CLSTN2: variants seen among roughly 807,000 people sequenced by gnomAD.
CLSTN2 encodes the protein calsyntenin-2.
In CLSTN2, 48 loss-of-function variants were observed where a neutral mutation model predicts 101.2. That is an observed-to-expected ratio of 0.47 (90% CI 0.38 to 0.60). The LOEUF is 0.60. Ranked by LOEUF, CLSTN2 falls within the 20% of genes least tolerant of loss-of-function variation. CLSTN2 has a pLI of 0.00. For synonymous variants in CLSTN2, 481 were observed against 463.6 expected, an observed-to-expected ratio of 1.04 and a Z score of -0.48; for missense variants, 1,160 against 1,238.2, an observed-to-expected ratio of 0.94 and a Z score of 0.95.
intron 7 of CLSTN2, 127 bp from the exon 8 acceptor site, chr3:140,466,483 A>G (rs981509508): frequency 2.8e-6 from 3 of 1,061,562 alleles, no homozygotes; most frequent in Non-Finnish European, 4.2e-6. Context: ...CCTGTTGTAA[A>G]TGAGAAGACT....
chr3:140,127,409 T>A (rs527537940), intron 1 of CLSTN2, among the ~76,000 whole-genome samples: 1 of 152,310 alleles, frequency 6.6e-6, no homozygotes, highest in African/African-American at 2.4e-5. Context: ...TAAGAAAGTC[T>A]TAATACATTT....
At chr3:140,120,054 A>G (rs2009313745) in intron 1 of CLSTN2, among the ~76,000 whole-genome samples, 1 of 152,144 alleles carries the variant, frequency 6.6e-6, no homozygotes, top group Non-Finnish European at 1.5e-5. Flanking sequence ...TTTTCCCCAC[A>G]CCCTAAGCAG....
chr3:140,034,723 G>C (rs1357511413), intron 1 of CLSTN2, among the ~76,000 whole-genome samples: 1 of 152,318 alleles, frequency 6.6e-6, no homozygotes, highest in East Asian at 1.9e-4. Context: ...TCTGTTGATA[G>C]CAATCAACTC....
intron 5 of CLSTN2, among the ~76,000 whole-genome samples, chr3:140,440,207 C>G (rs539727626): frequency 6.6e-6 from 1 of 152,066 alleles, no homozygotes; most frequent in Non-Finnish European, 1.5e-5. Flanking sequence ...AGGGACCGAG[C>G]GAGTACACAG....
intron 1 of CLSTN2, among the ~76,000 whole-genome samples, chr3:140,054,482 C>A (rs544722987): frequency 5.9e-5 from 9 of 152,092 alleles, no homozygotes; most frequent in Non-Finnish European, 1.2e-4. Flanking sequence ...TCCAAGACCA[C>A]GCGGTCAGTA....
intron 2 of CLSTN2, among the ~76,000 whole-genome samples, chr3:140,295,030 C>T (rs1485294521): frequency 6.6e-6 from 1 of 152,154 alleles, no homozygotes; most frequent in Admixed American, 6.6e-5. Context: ...AAGGTTTCAA[C>T]ATACACATTT....
chr3:140,304,441 G>A (rs1240601063), intron 2 of CLSTN2, among the ~76,000 whole-genome samples: 2 of 152,222 alleles, frequency 1.3e-5, no homozygotes, highest in African/African-American at 2.4e-5. Flanking sequence ...CTGGCTTGCA[G>A]ATGGCCATCT....
intron 5 of CLSTN2, among the ~76,000 whole-genome samples, chr3:140,446,588 A>G (rs1481102366): frequency 6.6e-6 from 1 of 152,056 alleles, no homozygotes; most frequent in East Asian, 1.9e-4. Context: ...ACATTTTCAC[A>G]CTCAATCCTT....
chr3:139,993,173 G>C (rs190188299), intron 1 of CLSTN2, among the ~76,000 whole-genome samples: 1 of 152,178 alleles, frequency 6.6e-6, no homozygotes, highest in African/African-American at 2.4e-5. Context: ...CTCATAGGGA[G>C]ATCCAGCCTG....
intron 2 of CLSTN2, among the ~76,000 whole-genome samples, chr3:140,292,765 C>T (rs1300660475): frequency 6.6e-6 from 1 of 152,206 alleles, no homozygotes; most frequent in Non-Finnish European, 1.5e-5. Flanking sequence ...CGTCATGGGG[C>T]TGCTGGGAGA....
chr3:139,964,572 T>C (rs1161037401), intron 1 of CLSTN2, among the ~76,000 whole-genome samples: 2 of 151,688 alleles, frequency 1.3e-5, no homozygotes, highest in Non-Finnish European at 2.9e-5. Context: ...GGCAGGGGGG[T>C]CAAGGGGCCA....
In CLSTN2 at chr3:140,545,749, T is replaced by G. The variant is rs77427406; in HGVS notation, c.1508-766T>G. Reference sequence around the variant, plus strand: ...CACAAGCACTTGGAACACTTGCACATGGGTAAAAGTGGACCTGAGCTCCCA... The same window carrying G: ...CACAAGCACTTGGAACACTTGCACAGGGGTAAAAGTGGACCTGAGCTCCCA... On this transcript the variant is annotated intron_variant, in intron 9 of 16. Coordinates refer to ENST00000458420, the MANE Select transcript of CLSTN2 (RefSeq NM_022131.3). Among the ~76,000 whole-genome samples, 651 of 152,116 alleles carry G rather than the reference T, an allele frequency of 4.3e-3. 5 individuals are homozygous for G. Among genetic ancestry groups the G allele is most frequent in the African/African-American group, 0.015 (616 of 41,500 alleles).
chr3:140,556,647 A>G lies in CLSTN2; in HGVS notation c.1809A>G (p.Val603=), dbSNP rs1421458816. The change falls in exon 11 of 17, where the codon GTA becomes GTG. Residue 603 remains valine (V), a synonymous_variant. Transcript: ENST00000458420. ...CGGCGGGTGTGCGGCGCCTCAAAGT[A>G]TCCTCCAAAGTCCAGTGAGTGGACG... The part of the protein sequence containing the change: ...FPTAGVRRLK[V]SSKVQCFGED... 6.2e-7 allele frequency: 1 copy of G among 1,613,822 alleles called. No homozygotes were observed. Among genetic ancestry groups the G allele is most frequent in the Non-Finnish European group, 8.5e-7 (1 of 1,179,934 alleles).
chr3:140,144,853 A>G (rs2009757582), intron 1 of CLSTN2, among the ~76,000 whole-genome samples: 2 of 152,184 alleles, frequency 1.3e-5, no homozygotes, highest in African/African-American at 2.4e-5. Context: ...GGGCCTTTGC[A>G]TGTGACTTTT....
In CLSTN2 at chr3:140,094,925, G is replaced by A. The variant is rs575338097; in HGVS notation, c.110-81026G>A. 7.9e-5 allele frequency among the ~76,000 whole-genome samples: 12 copies of A among 152,316 alleles called. No homozygotes were observed. The East Asian group carries it at 2.1e-3, about 27-fold the overall frequency. On this transcript the variant is annotated intron_variant, in intron 1 of 16. Transcript: ENST00000458420. ...ACGTCAAGGATCGTACTGCAGCCAG[G>A]GCTTTGTAGTCATTGCTGGAACCAG...
At chr3:140,295,559 G>A (rs926143704) in intron 2 of CLSTN2, among the ~76,000 whole-genome samples, 2 of 151,944 alleles carry the variant, frequency 1.3e-5, no homozygotes, top group African/African-American at 4.8e-5. Context: ...TAAAGTTCTA[G>A]CTTTATTTTT....
intron 1 of CLSTN2, among the ~76,000 whole-genome samples, chr3:140,035,267 C>T (rs374224896): frequency 2.6e-5 from 4 of 152,184 alleles, no homozygotes; most frequent in East Asian, 1.9e-4. Flanking sequence ...GCTTGGAGAT[C>T]CCAGTGGTAC....
Position 140,249,566 on chromosome 3 carries a change from C to T in CLSTN2, c.232+73493C>T, listed in dbSNP as rs148142829. Among the ~76,000 whole-genome samples the T allele has an allele frequency of 6.2e-3, 940 of 152,216 alleles. 12 individuals are homozygous for T. The highest frequency in any genetic ancestry group is 0.021 in the African/African-American group (874 of 41,532). On this transcript the variant is annotated intron_variant, in intron 2 of 16. Coordinates refer to ENST00000458420, the MANE Select transcript of CLSTN2 (RefSeq NM_022131.3). ...TTGGGCACTTACACAATTCCAGGTACGAGATAGGTGGTTTGCACATTTTAT... is the reference window on the plus strand; with the variant it reads ...TTGGGCACTTACACAATTCCAGGTATGAGATAGGTGGTTTGCACATTTTAT...
At chr3:139,950,124 A>G (rs1010650746) in intron 1 of CLSTN2, among the ~76,000 whole-genome samples, 1 of 152,192 alleles carries the variant, frequency 6.6e-6, no homozygotes, top group African/African-American at 2.4e-5. Context: ...AGTCCACAAA[A>G]TGAACAAACG....
Sources: allele counts gnomAD v4.1 joint callset (sites outside exome capture counted in the v4.1 genomes callset), GRCh38; gene constraint gnomAD v4.1.1; transcripts MANE v1.5; gene names NCBI Gene and HGNC (gene_info 2026-07-23, HGNC 2026-07-21).